The following ADPRHL1 variants were observed in gnomAD, a reference collection of about 807,000 sequenced individuals.
The protein encoded by ADPRHL1 is inactive ADP-ribosyltransferase ARH2.
A neutral mutation model predicts 44.1 loss-of-function variants in ADPRHL1; 43 were observed. The ratio of observed to expected loss-of-function variants is 0.98; its 90% CI spans 0.76 to 1.26. The LOEUF (loss-of-function observed/expected upper bound fraction) is 1.26. Among genes scored for constraint, ADPRHL1 ranks in the 50% most tolerant of loss-of-function variants. The pLI is 0.00. For synonymous variants in ADPRHL1, 878 were observed against 1,017.4 expected (o/e 0.86, Z 2.61); for missense variants, 2,022 against 2,496.9 (o/e 0.81, Z 4.05).
In ADPRHL1 at chr13:113,453,405, C is replaced by A. The variant is rs2044191229; in HGVS notation, c.33G>T (p.Gly11=). 2 of 1,614,056 alleles carry A rather than the reference C, an allele frequency of 1.2e-6. No homozygotes were observed. The highest frequency in any genetic ancestry group is 1.7e-5 in the Admixed American group (1 of 60,002). The change falls in exon 1 of 8, where the codon GGG becomes GGT. Residue 11 remains glycine, a synonymous_variant. Coordinates refer to ENST00000612156, the MANE Select transcript of ADPRHL1 (RefSeq NM_001394807.1). The surrounding 1 kb of genome is among the most constrained non-coding windows in gnomAD (Gnocchi z 5.4). The part of the protein sequence containing the change: MEKFKAAMLL[G]SVGDALGYRN... ...TGTAGCCAAGAGCATCGCCGACGCT[C>A]CCCAGCAACATCGCAGCCTTAAATT...
At chr13:113,444,750 G>C (rs1331022545) in intron 1 of ADPRHL1, among the ~76,000 whole-genome samples, 161 bp from the exon 2 acceptor site, 1 of 152,144 alleles carries the variant, frequency 6.6e-6, no homozygotes, top group African/African-American at 2.4e-5. Context: ...AGCCTCCTGA[G>C]TAGCTGGGAC....
At chr13:113,442,841 G>T (rs2044108314) in intron 2 of ADPRHL1, among the ~76,000 whole-genome samples, 1 of 152,200 alleles carries the variant, frequency 6.6e-6, no homozygotes, top group African/African-American at 2.4e-5. Flanking sequence ...GCTGCCTGAG[G>T]CCGCCCGCGG....
chr13:113,408,052 C>A lies in ADPRHL1; in HGVS notation c.1230G>T (p.Gly410=). The part of the protein sequence containing the change: ...ADRPPGTEAG[G]SRPSHQPQTQ... ...TCTGGGGCTGGTGGCTGGGCCTGCT[C>A]CCCCCGGCCTCTGTCCCCGGGGGCC... Residue 410 remains glycine, a synonymous_variant, in exon 8 of 8, where the codon GGG becomes GGT. Transcript: ENST00000612156. The A allele has an allele frequency of 8.1e-7, 1 of 1,232,200 alleles. No homozygotes were observed. Among genetic ancestry groups the A allele is most frequent in the Non-Finnish European group, 1.0e-6 (1 of 988,148 alleles). 76.3% of individuals were successfully genotyped at this position (1,232,200 alleles called of 1,614,324 possible).
intron 2 of ADPRHL1, among the ~76,000 whole-genome samples, chr13:113,439,777 A>G (rs1037800380): frequency 6.6e-6 from 1 of 152,180 alleles, no homozygotes; most frequent in African/African-American, 2.4e-5. Context: ...ATGTAATACT[A>G]TTTAGATGAC....
chr13:113,428,926 G>C, intron 4 of ADPRHL1, 26 bp downstream of exon 4: 1 of 1,611,256 alleles, frequency 6.2e-7, no homozygotes, highest in Non-Finnish European at 8.5e-7. Flanking sequence ...CTCTGAGTGC[G>C]GACTGGGGCC....
chr13:113,435,198 A>G (rs1487436092), intron 2 of ADPRHL1, among the ~76,000 whole-genome samples: 2 of 20,666 alleles, frequency 9.7e-5, no homozygotes, highest in Non-Finnish European at 2.6e-4. Flanking sequence ...CGAGGCGTAG[A>G]GTGAACATAG....
chr13:113,430,295 C>T (rs1383263151), intron 3 of ADPRHL1, among the ~76,000 whole-genome samples: 2 of 152,198 alleles, frequency 1.3e-5, no homozygotes, highest in African/African-American at 2.4e-5. Context: ...CTGGAAATCC[C>T]GTGGTCACCG....
intron 7 of ADPRHL1, among the ~76,000 whole-genome samples, chr13:113,419,171 AT>A (rs2043903366): frequency 1.7e-5 from 2 of 119,896 alleles, no homozygotes; most frequent in African/African-American, 3.3e-5. Flanking sequence ...CAGTGATGTG[AT>A]CTCACCTCAC....
chr13:113,451,014 G>A (rs2044175499), intron 1 of ADPRHL1, among the ~76,000 whole-genome samples: 1 of 150,452 alleles, frequency 6.6e-6, no homozygotes, highest in Non-Finnish European at 1.5e-5. Context: ...TTTTGCTACT[G>A]CTGGACCACG....
chr13:113,451,229 T>A (rs2044177576), intron 1 of ADPRHL1, among the ~76,000 whole-genome samples: 1 of 152,220 alleles, frequency 6.6e-6, no homozygotes. Flanking sequence ...AATATTGGAA[T>A]AAAAAGTAAT....
rs1212756618 is a variant in ADPRHL1 at position 113,402,357 on chromosome 13, TCTCGAGGCAATGTGAC to T, written c.*1005_*1020del. ...TAGTCCAGAGTAGCAACAAAAACCA[TCTCGAGGCAATGTGAC>T]CACAGGTGGCTTTGATTTCCTTCTT... On this transcript the variant is annotated 3_prime_UTR_variant, in exon 8 of 8. Transcript: ENST00000612156. 7.2e-5 allele frequency: 11 copies of T among 152,244 alleles called. 1 individual carries two copies. The highest frequency in any genetic ancestry group is 6.8e-3 in the Middle Eastern group (2 of 294). The allele number at this position is 152,244 out of a possible 1,614,324, so 9.4% of individuals were successfully genotyped here.
At chr13:113,416,918 C>T (rs1024153671) in intron 7 of ADPRHL1, among the ~76,000 whole-genome samples, 3 of 152,142 alleles carry the variant, frequency 2.0e-5, no homozygotes, top group African/African-American at 4.8e-5. Context: ...GGTGTGCGTG[C>T]GAATGCACGA....
rs193233840 is a variant in ADPRHL1, at chr13:113,433,619, G to C, written c.505+123C>G. Reference sequence around the variant, plus strand: ...GGTCAGCTTCTGTCTCCTTTAAGCAGACGTGCAGATGGCGGCAGCTCCAGG... The same window carrying C: ...GGTCAGCTTCTGTCTCCTTTAAGCACACGTGCAGATGGCGGCAGCTCCAGG... On this transcript the variant is annotated intron_variant, in intron 3 of 7. Transcript: ENST00000612156. 2.1e-6 allele frequency: 3 copies of C among 1,458,710 alleles called. No individual in the cohort carries two copies. In the East Asian group the frequency reaches 7.6e-5, roughly 37 times the overall value. The allele number at this position is 1,458,710 out of a possible 1,614,324, so 90.4% of individuals were successfully genotyped here.
intron 2 of ADPRHL1, among the ~76,000 whole-genome samples, chr13:113,435,405 T>C (rs1167079638): frequency 7.1e-5 from 9 of 126,282 alleles, no homozygotes; most frequent in Admixed American, 8.0e-5. Flanking sequence ...CACCCAGGTG[T>C]AGAGTGAACA....
At chr13:113,426,022 G>A (rs1057160107) in intron 4 of ADPRHL1, among the ~76,000 whole-genome samples, 13 of 152,230 alleles carry the variant, frequency 8.5e-5, no homozygotes, top group African/African-American at 3.1e-4. Context: ...TGGAGATGGG[G>A]CAAAAGCATT....
intron 3 of ADPRHL1, among the ~76,000 whole-genome samples, chr13:113,429,528 C>T (rs1294394412): frequency 2.0e-5 from 3 of 152,266 alleles, no homozygotes; most frequent in Admixed American, 6.5e-5. Context: ...GCATTCCGTG[C>T]GTGGACGAAC....
At chr13:113,414,387 C>A (rs114112358) in intron 7 of ADPRHL1, among the ~76,000 whole-genome samples, 35 of 151,530 alleles carry the variant, frequency 2.3e-4, no homozygotes, top group Non-Finnish European at 3.4e-4. Context: ...AGCCGCCCCC[C>A]CTTCCTCCCC....
intron 1 of ADPRHL1, among the ~76,000 whole-genome samples, chr13:113,452,905 C>CT (rs1259610966): frequency 1.3e-5 from 2 of 152,194 alleles, no homozygotes; most frequent in Admixed American, 6.5e-5. Context: ...GGCTTTAACT[C>CT]TATTAGAAAC....
Position 113,403,853 on chromosome 13 carries a change from G to C in ADPRHL1, c.5429C>G (p.Thr1810Arg). ...CCAGGCCCGAGGCGCCATCCCACTT[G>C]TCAAGGCCTGTTCCCGACCCTGTTC... is the stretch of plus-strand genomic sequence containing the variant. ...AWEQGREQAL[T>R]SGMAPRAWEQ... The change falls in exon 8 of 8, where the codon ACA (threonine) becomes AGA (arginine). Residue 1810 changes from threonine (T) to arginine (R), a missense_variant. By Grantham distance (71) the Thr-to-Arg change is moderately conservative. Transcript: ENST00000612156. The C allele has an allele frequency of 9.8e-7, 1 of 1,025,612 alleles. No homozygotes were observed. Among genetic ancestry groups the C allele is most frequent in the Non-Finnish European group, 1.2e-6 (1 of 843,958 alleles). 63.5% of individuals were successfully genotyped at this position (1,025,612 alleles called of 1,614,324 possible). A position where few individuals can be genotyped will look rare whatever the true frequency, so the allele number is the denominator to read the frequency against.
Sources: allele counts gnomAD v4.1 joint callset (sites outside exome capture counted in the v4.1 genomes callset), GRCh38; gene constraint gnomAD v4.1.1; non-coding constraint Gnocchi (gnomAD v3.1); transcripts MANE v1.5; gene names NCBI Gene and HGNC (gene_info 2026-07-23, HGNC 2026-07-21).